The following RNF180 variants were observed in gnomAD, a reference collection of about 807,000 sequenced individuals.
RNF180 encodes E3 ubiquitin-protein ligase RNF180.
In RNF180, 38 loss-of-function variants were observed where a neutral mutation model predicts 59.2. That is an observed-to-expected ratio of 0.64 (90% CI 0.50 to 0.84). The LOEUF is 0.84. Among genes scored for constraint, RNF180 ranks in the 40% least tolerant of loss-of-function variants. The pLI, the probability that RNF180 is intolerant of heterozygous loss-of-function variation, is 0.00. For missense variants in RNF180, 705 were observed against 700.9 expected (o/e 1.01, Z -0.07); for synonymous variants, 262 against 240.3 (o/e 1.09, Z -0.84).
chr5:64,351,234 G>C (rs181822481), intron 7 of RNF180, among the ~76,000 whole-genome samples: 4 of 152,140 alleles, frequency 2.6e-5, no homozygotes, highest in African/African-American at 9.7e-5. Context: ...AAGAATCCTT[G>C]TGATTTTTGT....
chr5:64,306,049 G>A (rs1743431428), intron 5 of RNF180, among the ~76,000 whole-genome samples: 1 of 151,608 alleles, frequency 6.6e-6, no homozygotes, highest in South Asian at 2.1e-4. Flanking sequence ...GGGATTAAAA[G>A]TAGCTAATTA....
At chr5:64,357,143 C>T (rs1320466391) in intron 7 of RNF180, among the ~76,000 whole-genome samples, 1 of 151,696 alleles carries the variant, frequency 6.6e-6, no homozygotes, top group Non-Finnish European at 1.5e-5. Context: ...TAAATTTTAA[C>T]TTATTCAATA....
chr5:64,330,214 CTT>C, intron 6 of RNF180, 65 bp from the exon 7 acceptor site: 1 of 1,082,342 alleles, frequency 9.2e-7, no homozygotes, highest in Non-Finnish European at 1.4e-6. Flanking sequence ...ACAGTATTCA[CTT>C]GTCATTTTCT....
At chr5:64,334,407 A>G (rs1470063697) in intron 7 of RNF180, among the ~76,000 whole-genome samples, 2 of 152,176 alleles carry the variant, frequency 1.3e-5, no homozygotes, top group Admixed American at 6.5e-5. Flanking sequence ...TGGTTGTACA[A>G]CAAATCTGGC....
chr5:64,206,940 T>A (rs1752047259), intron 2 of RNF180, among the ~76,000 whole-genome samples: 2 of 152,110 alleles, frequency 1.3e-5, no homozygotes, highest in Admixed American at 1.3e-4. Flanking sequence ...ATTCAGTCTC[T>A]GGTATTTTGT....
chr5:64,268,934 A>G (rs762420338), intron 5 of RNF180, among the ~76,000 whole-genome samples: 15 of 152,102 alleles, frequency 9.9e-5, no homozygotes, highest in Non-Finnish European at 1.9e-4. Flanking sequence ...AAAATTCTCT[A>G]TCAGGAAACC....
chr5:64,200,447 C>A (rs115957583), intron 1 of RNF180, among the ~76,000 whole-genome samples: 16 of 152,078 alleles, frequency 1.1e-4, no homozygotes, highest in African/African-American at 3.9e-4. Context: ...AAGAGTGAGA[C>A]CCTGTCTAAA....
intron 1 of RNF180, among the ~76,000 whole-genome samples, chr5:64,180,345 A>G (rs1407333425): frequency 6.6e-6 from 1 of 152,190 alleles, no homozygotes; most frequent in African/African-American, 2.4e-5. Flanking sequence ...TAGATAAGGC[A>G]GGGTATAAAT....
intron 5 of RNF180, among the ~76,000 whole-genome samples, chr5:64,251,525 C>T (rs918011482): frequency 6.6e-6 from 1 of 152,178 alleles, no homozygotes; most frequent in Admixed American, 6.5e-5. Flanking sequence ...TGGGCTCGAG[C>T]AAGCCTCCTG....
intron 5 of RNF180, among the ~76,000 whole-genome samples, chr5:64,281,852 T>G (rs1742028644): frequency 6.6e-6 from 1 of 152,204 alleles, no homozygotes; most frequent in Non-Finnish European, 1.5e-5. Flanking sequence ...TCTGCATCTA[T>G]TCAGATGATC....
At chr5:64,283,591 A>T (rs1742123244) in intron 5 of RNF180, among the ~76,000 whole-genome samples, 1 of 152,110 alleles carries the variant, frequency 6.6e-6, no homozygotes, top group Non-Finnish European at 1.5e-5. Context: ...AGTTTCCCTC[A>T]TGATGTTCTC....
chr5:64,168,724 G>C (rs1012822699), intron 1 of RNF180, among the ~76,000 whole-genome samples: 1 of 151,998 alleles, frequency 6.6e-6, no homozygotes, highest in African/African-American at 2.4e-5. Flanking sequence ...ATACAGCCAA[G>C]GCAATATAGC....
chr5:64,166,478 G>A (rs949496010), intron 1 of RNF180, among the ~76,000 whole-genome samples: 4 of 152,196 alleles, frequency 2.6e-5, no homozygotes, highest in African/African-American at 7.2e-5. Context: ...GCAGCCTTGG[G>A]TCCGGAGTGT....
chr5:64,286,732 G>A (rs1401864090), intron 5 of RNF180, among the ~76,000 whole-genome samples: 2 of 152,084 alleles, frequency 1.3e-5, no homozygotes, highest in African/African-American at 4.8e-5. Flanking sequence ...TCCAGTTAAG[G>A]TATTAACTAT....
chr5:64,343,211 A>G (rs1382827422), intron 7 of RNF180, among the ~76,000 whole-genome samples: 3 of 152,170 alleles, frequency 2.0e-5, no homozygotes, highest in Non-Finnish European at 4.4e-5. Context: ...AATATCCATT[A>G]GGAAAAAAGT....
intron 1 of RNF180, among the ~76,000 whole-genome samples, chr5:64,181,041 T>C (rs1374586199): frequency 1.3e-5 from 2 of 152,170 alleles, no homozygotes; most frequent in Non-Finnish European, 2.9e-5. Flanking sequence ...GTCCAAAAGC[T>C]GAAGAACTTG....
intron 7 of RNF180, among the ~76,000 whole-genome samples, chr5:64,334,068 A>G (rs1226719070): frequency 6.6e-6 from 1 of 152,248 alleles, no homozygotes; most frequent in East Asian, 1.9e-4. Flanking sequence ...AGAGCAGGGC[A>G]GAAGTAAGGA....
intron 2 of RNF180, among the ~76,000 whole-genome samples, chr5:64,202,140 C>T (rs1420797872): frequency 6.6e-6 from 1 of 152,164 alleles, no homozygotes; most frequent in African/African-American, 2.4e-5. Context: ...TTGCATCACC[C>T]CAGGAATTTT....
Position 64,223,324 on chromosome 5 carries a change from T to C in RNF180, c.1227+5928T>C, listed in dbSNP as rs984130379. On this transcript the variant is annotated intron_variant, in intron 5 of 7. Coordinates refer to ENST00000389100, the MANE Select transcript of RNF180 (RefSeq NM_001113561.2). ...TGAATAATCCAAGGTAATTTTCCCATCTCAGGGTCCTTAACTTAATCATAG... is the reference window on the plus strand; with the variant it reads ...TGAATAATCCAAGGTAATTTTCCCACCTCAGGGTCCTTAACTTAATCATAG... Among the ~76,000 whole-genome samples the C allele has an allele frequency of 2.6e-5, 4 of 152,176 alleles. No individual in the cohort carries two copies. In the East Asian group the frequency reaches 7.7e-4, roughly 29 times the overall value.
Sources: allele counts gnomAD v4.1 joint callset (sites outside exome capture counted in the v4.1 genomes callset), GRCh38; gene constraint gnomAD v4.1.1; transcripts MANE v1.5; gene names NCBI Gene and HGNC (gene_info 2026-07-23, HGNC 2026-07-21).